GSE1: variants seen among roughly 807,000 people sequenced by gnomAD.
The protein encoded by GSE1 is genetic suppressor element 1.
In GSE1, 32 loss-of-function variants were observed where a neutral mutation model predicts 112.6. The observed-to-expected ratio is 0.28, with a 90% CI of 0.21 to 0.38. GSE1 has a LOEUF of 0.38. Ranked by LOEUF, GSE1 falls within the 10% of genes least tolerant of loss-of-function variation. GSE1 has a pLI of 1.00. For synonymous variants in GSE1, 1,115 were observed against 735.6 expected, an observed-to-expected ratio of 1.52 and a Z score of -8.35; for missense variants, 2,348 against 1,699.2, an observed-to-expected ratio of 1.38 and a Z score of -6.71.
intron 2 of GSE1, among the ~76,000 whole-genome samples, chr16:85,466,115 G>C (rs2050113846): frequency 6.6e-6 from 1 of 152,234 alleles, no homozygotes; most frequent in South Asian, 2.1e-4. Context: ...GTGGGAATGT[G>C]AGAACACGGG....
chr16:85,639,799 C>G (rs558775481), intron 2 of GSE1, among the ~76,000 whole-genome samples: 3 of 152,244 alleles, frequency 2.0e-5, no homozygotes, highest in Non-Finnish European at 4.4e-5. Flanking sequence ...CAGGCACCCT[C>G]GCAAGCTGTG....
chr16:85,615,467 G>A (rs1165534829), intron 1 of GSE1, among the ~76,000 whole-genome samples: 4 of 152,224 alleles, frequency 2.6e-5, no homozygotes, highest in Admixed American at 2.0e-4. Context: ...AGTCAGGAGG[G>A]GAAGCTGGGG....
chr16:85,579,627 A>G (rs185355181), intron 1 of GSE1, among the ~76,000 whole-genome samples: 114 of 152,240 alleles, frequency 7.5e-4, no homozygotes, highest in African/African-American at 2.7e-3. Context: ...TGGGAGACCC[A>G]TGAAGGGCTT....
chr16:85,304,271 C>G (rs1348818426), intron 1 of GSE1, among the ~76,000 whole-genome samples: 1 of 152,228 alleles, frequency 6.6e-6, no homozygotes, highest in East Asian at 1.9e-4. Context: ...TGGTGGAGAG[C>G]TGGGAGTAGA....
chr16:85,329,229 C>G (rs1567691058), intron 1 of GSE1, among the ~76,000 whole-genome samples: 1 of 152,158 alleles, frequency 6.6e-6, no homozygotes, highest in Admixed American at 6.5e-5. Context: ...TTTTCTGCAC[C>G]TCAGTTTGTT....
In GSE1 at chr16:85,357,567, G is replaced by C. The variant is rs1162621116; in HGVS notation, c.2388G>C (p.Arg796Ser). ...CGGAGACCCTGCCCAGAGGCCCCAG[G>C]ATGGCCCAGGAGCTGAGGCCAGCAC... Residue 796 changes from arginine (R) to serine (S), a missense_variant, in exon 2 of 3, where the codon AGG becomes AGC. Physicochemically the swap from Arg to Ser is moderately radical, Grantham distance 110. Coordinates refer to the GSE1 transcript ENST00000637419. 2.3e-6 allele frequency: 3 copies of C among 1,288,514 alleles called. No homozygotes were observed. In the African/African-American group the frequency reaches 4.6e-5, roughly 20 times the overall value. 79.8% of individuals were successfully genotyped at this position (1,288,514 alleles called of 1,614,324 possible).
chr16:85,432,091 G>A (rs904453463), intron 2 of GSE1, among the ~76,000 whole-genome samples: 1 of 152,032 alleles, frequency 6.6e-6, no homozygotes, highest in Non-Finnish European at 1.5e-5. Flanking sequence ...CCCCATAAAC[G>A]ACCACTGGCT....
chr16:85,672,291 G>A lies in GSE1; in HGVS notation c.3520-114G>A, dbSNP rs562447670. 6.8e-4 allele frequency: 535 copies of A among 781,618 alleles called. 4 individuals are homozygous for A. The East Asian group carries it at 9.0e-3, about 13-fold the overall frequency. 48.4% of individuals were successfully genotyped at this position (781,618 alleles called of 1,614,324 possible). Reference sequence around the variant, plus strand: ...ATTACAGGCGTGAGCCACCACGCCCGGCCGGGACATTTTCAAATGTAGGTT... The same window carrying A: ...ATTACAGGCGTGAGCCACCACGCCCAGCCGGGACATTTTCAAATGTAGGTT... On this transcript the variant is annotated intron_variant, in intron 15 of 15. Transcript: ENST00000253458.
At chr16:85,426,807 G>A (rs575066085) in intron 2 of GSE1, among the ~76,000 whole-genome samples, 6 of 152,298 alleles carry the variant, frequency 3.9e-5, no homozygotes, top group Non-Finnish European at 7.4e-5. Flanking sequence ...CACTGGGAGT[G>A]TGCTAAATTA....
intron 2 of GSE1, among the ~76,000 whole-genome samples, chr16:85,360,145 C>T (rs906112608): frequency 3.9e-5 from 6 of 152,084 alleles, no homozygotes; most frequent in African/African-American, 1.4e-4. Flanking sequence ...TGGGGCTGGT[C>T]ACTCCTGAGT....
rs3833833 is a variant in GSE1 at position 85,656,376 on chromosome 16, GGAGCGCGAGCGC to G, written c.1035_1046del (p.Arg349_Glu352del). On this transcript the variant is annotated inframe_deletion, in exon 7 of 16. Transcript: ENST00000253458. Reference sequence around the variant, plus strand: ...TGGACGAGGAGCTAAGGCGGGAGAGGGAGCGCGAGCGCGAGCGCGAGCGTGAGCGTGAGGCTG... The same window carrying G: ...TGGACGAGGAGCTAAGGCGGGAGAGGGAGCGCGAGCGTGAGCGTGAGGCTG... The G allele has an allele frequency of 5.3e-3, 8,438 of 1,598,542 alleles. 29 individuals carry two copies. The highest frequency in any genetic ancestry group is 6.0e-3 in the Non-Finnish European group (7,075 of 1,172,052).
chr16:85,490,992 T>C (rs2050993624), intron 2 of GSE1, among the ~76,000 whole-genome samples: 1 of 152,064 alleles, frequency 6.6e-6, no homozygotes, highest in Admixed American at 6.5e-5. Context: ...AACGCGGGGC[T>C]GGACTCCACA....
chr16:85,186,373 G>A (rs1280335389), intron 1 of GSE1, among the ~76,000 whole-genome samples: 2 of 152,098 alleles, frequency 1.3e-5, no homozygotes, highest in Non-Finnish European at 2.9e-5. Flanking sequence ...ACGAGGCCGA[G>A]GCAGGTGGAT....
intron 1 of GSE1, among the ~76,000 whole-genome samples, chr16:85,619,273 C>A (rs574398240): frequency 6.6e-6 from 1 of 152,216 alleles, no homozygotes; most frequent in Non-Finnish European, 1.5e-5. Context: ...TTCCTGCGCT[C>A]GGATGGTGGG....
intron 2 of GSE1, among the ~76,000 whole-genome samples, chr16:85,509,525 C>A (rs532754134): frequency 6.6e-6 from 1 of 152,230 alleles, no homozygotes; most frequent in Non-Finnish European, 1.5e-5. Flanking sequence ...GTCCGAGCTC[C>A]GTTTGGCCAG....
At chr16:85,290,474 T>G (rs1039434408) in intron 1 of GSE1, among the ~76,000 whole-genome samples, 1 of 152,174 alleles carries the variant, frequency 6.6e-6, no homozygotes, top group African/African-American at 2.4e-5. Flanking sequence ...GCAAGGAGCA[T>G]GCCTTAAACC....
intron 2 of GSE1, among the ~76,000 whole-genome samples, chr16:85,533,066 C>T (rs2044188447): frequency 6.6e-6 from 1 of 152,076 alleles, no homozygotes; most frequent in Non-Finnish European, 1.5e-5. Flanking sequence ...GGACAGCAAC[C>T]CAGTGGGCTC....
intron 1 of GSE1, among the ~76,000 whole-genome samples, chr16:85,331,177 G>A (rs554285247): frequency 1.6e-4 from 24 of 149,266 alleles, no homozygotes; most frequent in Admixed American, 1.4e-3. Context: ...TTTTGAGACC[G>A]ACTCTCACTG....
intron 1 of GSE1, among the ~76,000 whole-genome samples, chr16:85,250,885 G>A (rs1482167025): frequency 2.0e-5 from 3 of 146,386 alleles, no homozygotes; most frequent in Non-Finnish European, 4.4e-5. Context: ...GCATTGGCCT[G>A]TTCTGGACAT....
Sources: gnomAD v4.1 joint callset for allele counts (sites outside exome capture counted in the v4.1 genomes callset) on GRCh38, gnomAD v4.1.1 for gene constraint, MANE v1.5 for transcripts, NCBI Gene and HGNC (gene_info 2026-07-23, HGNC 2026-07-21) for gene names.